Variants in NKAIN3 observed in about 807,000 individuals in gnomAD.
The protein encoded by NKAIN3 is sodium/potassium-transporting ATPase subunit beta-1-interacting protein 3.
NKAIN3 carries 25 observed loss-of-function variants against 30.2 expected under a neutral mutation model. That is an observed-to-expected ratio of 0.83 (90% CI 0.60 to 1.16). The LOEUF is 1.16. Ranked by LOEUF, NKAIN3 falls within the 50% of genes most tolerant of loss-of-function variation. NKAIN3 has a pLI of 0.00. For synonymous variants in NKAIN3, 91 were observed against 89.6 expected (o/e 1.02, Z -0.09); for missense variants, 225 against 254.1 (o/e 0.89, Z 0.78).
intron 1 of NKAIN3, among the ~76,000 whole-genome samples, chr8:62,568,783 TC>T (rs745814150): frequency 2.0e-5 from 3 of 152,160 alleles, no homozygotes; most frequent in Non-Finnish European, 1.5e-5. Flanking sequence ...GGATAGGAAA[TC>T]CCCATTTCAC....
intron 1 of NKAIN3, 50 bp downstream of exon 1, chr8:62,249,177 C>T (rs1177789174): frequency 1.4e-6 from 2 of 1,442,888 alleles, no homozygotes; most frequent in Non-Finnish European, 1.9e-6. Context: ...GCTCCAGGAC[C>T]GGCCTCTGCG....
chr8:62,383,055 T>A (rs968271937), intron 1 of NKAIN3, among the ~76,000 whole-genome samples: 15 of 152,134 alleles, frequency 9.9e-5, no homozygotes, highest in Non-Finnish European at 2.2e-4. Flanking sequence ...TCCTCTGGTC[T>A]AGAGGCTGAA....
chr8:62,619,203 A>C (rs971279175), intron 3 of NKAIN3, among the ~76,000 whole-genome samples: 2 of 152,174 alleles, frequency 1.3e-5, no homozygotes, highest in African/African-American at 4.8e-5. Context: ...GCTAAGTTGA[A>C]CTTGACAATC....
chr8:62,403,676 G>A (rs1803961755), intron 1 of NKAIN3, among the ~76,000 whole-genome samples: 1 of 152,216 alleles, frequency 6.6e-6, no homozygotes, highest in South Asian at 2.1e-4. Flanking sequence ...AGAATGTATG[G>A]AAATGCCTCG....
At chr8:62,585,782 C>A (rs1189569134) in intron 2 of NKAIN3, among the ~76,000 whole-genome samples, 1 of 152,094 alleles carries the variant, frequency 6.6e-6, no homozygotes, top group Non-Finnish European at 1.5e-5. Flanking sequence ...GCCTTATGTG[C>A]TTCTTTGGCT....
chr8:62,994,843 T>G (rs939516925), intron 5 of NKAIN3, among the ~76,000 whole-genome samples: 14 of 152,292 alleles, frequency 9.2e-5, no homozygotes, highest in Middle Eastern at 3.4e-3. Context: ...AGACTCTGCT[T>G]TCTTATAGTT....
intron 1 of NKAIN3, among the ~76,000 whole-genome samples, chr8:62,556,846 A>T (rs1439980484): frequency 6.6e-6 from 1 of 152,084 alleles, no homozygotes; most frequent in Non-Finnish European, 1.5e-5. Context: ...GACTATTTTA[A>T]CACACATGGT....
In NKAIN3 at chr8:62,741,130, G is replaced by C. The variant is rs181980747; in HGVS notation, c.274-5802G>C. Among the ~76,000 whole-genome samples, 420 of 151,842 alleles carry C rather than the reference G, an allele frequency of 2.8e-3. 3 individuals are homozygous for C. The highest frequency in any genetic ancestry group is 9.7e-3 in the African/African-American group (404 of 41,444). On this transcript the variant is annotated intron_variant, in intron 3 of 6. Transcript: ENST00000623646. ...TCTTGGAATTGCATTTTGTAAGGTT[G>C]TCTATTGCCCCAATAATAAGAAAAT... is the stretch of plus-strand genomic sequence containing the variant.
At chr8:62,905,792 T>G (rs1821755815) in intron 4 of NKAIN3, among the ~76,000 whole-genome samples, 1 of 152,214 alleles carries the variant, frequency 6.6e-6, no homozygotes, top group East Asian at 1.9e-4. Flanking sequence ...TTTGCTGGTT[T>G]CTAGTCTTCT....
chr8:62,286,491 G>A lies in NKAIN3; in HGVS notation c.54+37364G>A, dbSNP rs145749530. ...GAATTCTCTGTGGAAGAGAGATAATGTTGTCTAGGAATCCTCTGTTTATAG... is the reference window on the plus strand; with the variant it reads ...GAATTCTCTGTGGAAGAGAGATAATATTGTCTAGGAATCCTCTGTTTATAG... On this transcript the variant is annotated intron_variant, in intron 1 of 6. Coordinates refer to ENST00000623646, the MANE Select transcript of NKAIN3 (RefSeq NM_001304533.3). 1.8e-4 allele frequency among the ~76,000 whole-genome samples: 27 copies of A among 152,170 alleles called. No individual in the cohort carries two copies. In the East Asian group the frequency reaches 4.8e-3, roughly 27 times the overall value.
At chr8:62,781,039 G>A (rs1436325929) in intron 4 of NKAIN3, among the ~76,000 whole-genome samples, 1 of 151,810 alleles carries the variant, frequency 6.6e-6, no homozygotes. Flanking sequence ...GAAAAACCAA[G>A]ATTTCACCAA....
intron 1 of NKAIN3, among the ~76,000 whole-genome samples, chr8:62,492,368 C>T (rs546016005): frequency 3.9e-5 from 6 of 152,198 alleles, no homozygotes; most frequent in Non-Finnish European, 7.4e-5. Context: ...GATGCCCAAG[C>T]CCCACCTCAA....
At chr8:62,780,905 C>G (rs1030846454) in intron 4 of NKAIN3, among the ~76,000 whole-genome samples, 6 of 152,024 alleles carry the variant, frequency 3.9e-5, no homozygotes, top group African/African-American at 1.4e-4. Context: ...TTTCACCACT[C>G]TTATTCAACA....
chr8:62,739,536 G>A (rs767039161), intron 3 of NKAIN3, among the ~76,000 whole-genome samples: 9 of 151,952 alleles, frequency 5.9e-5, no homozygotes, highest in Non-Finnish European at 5.9e-5. Context: ...ATTACAACAA[G>A]TTAGTATGAG....
chr8:62,674,878 C>T (rs139236902), intron 3 of NKAIN3, among the ~76,000 whole-genome samples: 22 of 152,244 alleles, frequency 1.4e-4, no homozygotes, highest in Non-Finnish European at 2.8e-4. Context: ...ATCACAAAAC[C>T]GCCACGTAAG....
In NKAIN3 at chr8:62,453,116, ATAAGT is replaced by A. The variant is rs200481898; in HGVS notation, c.55-126418_55-126414del. Among the ~76,000 whole-genome samples, 680 of 152,336 alleles carry A rather than the reference ATAAGT, an allele frequency of 4.5e-3. 3 individuals are homozygous for A. Among genetic ancestry groups the A allele is most frequent in the African/African-American group, 0.015 (639 of 41,584 alleles). On this transcript the variant is annotated intron_variant, in intron 1 of 6. Transcript: ENST00000623646. The stretch of plus-strand genomic sequence containing the variant: ...TTGAGTATTTTAAGTTTTCTTTAAA[ATAAGT>A]TAAGCAATTATTTAAAAAGATGTAT...
Position 62,979,862 on chromosome 8 carries a change from CA to C in NKAIN3, c.*14456del, listed in dbSNP as rs565928882. On this transcript the variant is annotated 3_prime_UTR_variant, in exon 7 of 7. Coordinates refer to ENST00000623646, the MANE Select transcript of NKAIN3 (RefSeq NM_001304533.3). Reference sequence around the variant, plus strand: ...GTTTGGACCCTGCTAATCAAGGCTACAGGGCAGCTGCAGAAAGACACCTGCT... The same window carrying C: ...GTTTGGACCCTGCTAATCAAGGCTACGGGCAGCTGCAGAAAGACACCTGCT... The C allele has an allele frequency of 4.8e-4, 73 of 152,428 alleles. No homozygotes were observed. Among genetic ancestry groups the C allele is most frequent in the African/African-American group, 1.7e-3 (70 of 41,598 alleles). The allele number at this position is 152,428 out of a possible 1,614,324, so 9.4% of individuals were successfully genotyped here.
intron 3 of NKAIN3, among the ~76,000 whole-genome samples, chr8:62,671,011 A>G (rs892711962): frequency 1.3e-5 from 2 of 152,242 alleles, no homozygotes; most frequent in Admixed American, 1.3e-4. Flanking sequence ...TAGTGGCATG[A>G]CAGATGTTTT....
intron 1 of NKAIN3, among the ~76,000 whole-genome samples, chr8:62,305,198 A>T (rs1814189470): frequency 6.7e-6 from 1 of 150,034 alleles, no homozygotes. Flanking sequence ...TTGTCTTTCA[A>T]CCCTCAGTAG....
Sources: allele counts gnomAD v4.1 joint callset (sites outside exome capture counted in the v4.1 genomes callset), GRCh38; gene constraint gnomAD v4.1.1; transcripts MANE v1.5; gene names NCBI Gene and HGNC (gene_info 2026-07-23, HGNC 2026-07-21).